Variants in MGST2 observed in about 807,000 individuals in gnomAD.
MGST2 encodes glutathione peroxidase MGST2.
MGST2 carries 9 observed loss-of-function variants against 16.6 expected under a neutral mutation model. The observed-to-expected ratio is 0.54, with a 90% CI of 0.33 to 0.95. The LOEUF (loss-of-function observed/expected upper bound fraction) is 0.95. MGST2 is among the 40% of genes least tolerant of loss of function. MGST2 has a pLI of 0.03. For synonymous variants in MGST2, 79 were observed against 68.0 expected (o/e 1.16, Z -0.79); for missense variants, 159 against 175.1 (o/e 0.91, Z 0.52).
rs377263471 is a variant in MGST2, at chr4:139,665,974, C to T, written c.-46C>T. On this transcript the variant is annotated 5_prime_UTR_variant, in exon 1 of 5. Coordinates refer to ENST00000265498, the MANE Select transcript of MGST2 (RefSeq NM_002413.5). The stretch of plus-strand genomic sequence containing the variant: ...AAGGTCAGCATTCAAAGTCAAGAAG[C>T]GCCATTTATCTTCCCGTGCGCTCTA... The T allele has an allele frequency of 1.1e-5, 18 of 1,598,862 alleles. No individual in the cohort carries two copies. The highest frequency in any genetic ancestry group is 1.5e-5 in the Non-Finnish European group (18 of 1,166,496).
chr4:139,678,730 C>A (rs1731089315), intron 2 of MGST2, 88 bp downstream of exon 2: 5 of 1,018,688 alleles, frequency 4.9e-6, no homozygotes, highest in Non-Finnish European at 7.7e-6. Flanking sequence ...TGGAGAAGAC[C>A]CTAAGTTCAT....
intron 1 of MGST2, among the ~76,000 whole-genome samples, chr4:139,672,153 C>T (rs1045817859): frequency 3.3e-5 from 5 of 152,216 alleles, no homozygotes; most frequent in African/African-American, 9.6e-5. Context: ...AACAGATGCC[C>T]ATTGGGTGCA....
downstream of MGST2, among the ~76,000 whole-genome samples, chr4:139,741,150 G>A (rs148527021): frequency 6.8e-4 from 104 of 152,282 alleles, no homozygotes; most frequent in African/African-American, 2.5e-3. Flanking sequence ...AGGACTTAGA[G>A]CAGGGAAAAA....
intron 5 of MGST2, among the ~76,000 whole-genome samples, chr4:139,738,735 A>C (rs557998312): frequency 2.2e-4 from 33 of 151,066 alleles, no homozygotes; most frequent in African/African-American, 7.7e-4. Flanking sequence ...AATGCAGAAA[A>C]GTATAGATAG....
At chr4:139,742,205 G>A (rs1017549559), downstream of MGST2, among the ~76,000 whole-genome samples, 7 of 148,884 alleles carry the variant, frequency 4.7e-5, no homozygotes, top group Non-Finnish European at 1.0e-4. Flanking sequence ...CTGAAGTGCA[G>A]TGGCACAATC....
At chr4:139,697,636 G>A (rs1727002970) in intron 3 of MGST2, among the ~76,000 whole-genome samples, 1 of 152,028 alleles carries the variant, frequency 6.6e-6, no homozygotes, top group Non-Finnish European at 1.5e-5. Context: ...ATAGTTTAAT[G>A]TATTTTAATA....
chr4:139,729,611 C>G (rs1728620877), intron 5 of MGST2, among the ~76,000 whole-genome samples: 1 of 152,190 alleles, frequency 6.6e-6, no homozygotes, highest in African/African-American at 2.4e-5. Flanking sequence ...TGTGCAGACC[C>G]TCACAGAAGC....
intron 2 of MGST2, among the ~76,000 whole-genome samples, chr4:139,684,682 T>G (rs756130838): frequency 6.6e-6 from 1 of 152,146 alleles, no homozygotes; most frequent in Non-Finnish European, 1.5e-5. Flanking sequence ...TTAAACCTCC[T>G]TCAGGGGTTG....
chr4:139,684,781 C>G (rs1731467461), intron 2 of MGST2, among the ~76,000 whole-genome samples: 1 of 152,192 alleles, frequency 6.6e-6, no homozygotes, highest in Non-Finnish European at 1.5e-5. Context: ...GTGCAGTGTG[C>G]AGCATGCAGA....
chr4:139,716,573 C>CATT (rs1226737954), intron 5 of MGST2, among the ~76,000 whole-genome samples: 1 of 151,934 alleles, frequency 6.6e-6, no homozygotes, highest in Non-Finnish European at 1.5e-5. Flanking sequence ...AAAGTATCAT[C>CATT]AGTTGTGCAG....
At chr4:139,730,048 T>C (rs1261165467) in intron 5 of MGST2, among the ~76,000 whole-genome samples, 2 of 152,236 alleles carry the variant, frequency 1.3e-5, no homozygotes, top group Non-Finnish European at 2.9e-5. Context: ...TATTTTTTTC[T>C]TCAAGCTAGA....
At position 139,715,160 on chromosome 4, in the gene MGST2, T is replaced by C. The variant is rs142341003; in HGVS notation, c.*48+10964T>C. On this transcript the variant is annotated intron_variant, in intron 5 of 5. Coordinates refer to the MGST2 transcript ENST00000616265. The surrounding 1 kb of genome is among the most constrained non-coding windows in gnomAD (Gnocchi z 4.4). ...TTAAGGGGGAGCCTTTAACCACCTC[T>C]ATCTTAGGAGAGACTCTAACTCCAC... Among the ~76,000 whole-genome samples, 1 of 152,122 alleles carries C rather than the reference T, an allele frequency of 6.6e-6. No individual in the cohort carries two copies. Among genetic ancestry groups the C allele is most frequent in the Admixed American group, 6.5e-5 (1 of 15,272 alleles).
chr4:139,734,726 T>C (rs781283082), intron 5 of MGST2, among the ~76,000 whole-genome samples: 3 of 152,248 alleles, frequency 2.0e-5, no homozygotes, highest in Non-Finnish European at 4.4e-5. Flanking sequence ...TATTTATAAA[T>C]CTGTGCGTAG....
intron 3 of MGST2, among the ~76,000 whole-genome samples, 181 bp downstream of exon 3, chr4:139,695,448 CCT>C (rs975856596): frequency 6.6e-6 from 1 of 152,112 alleles, no homozygotes; most frequent in African/African-American, 2.4e-5. Flanking sequence ...ATGGTGAAAC[CCT>C]GTCTCTACTA....
intron 1 of MGST2, among the ~76,000 whole-genome samples, chr4:139,666,699 C>G (rs1004484562): frequency 1.3e-5 from 2 of 152,158 alleles, no homozygotes; most frequent in African/African-American, 4.8e-5. Flanking sequence ...CACATTTGCT[C>G]AATTCATATT....
intron 5 of MGST2, among the ~76,000 whole-genome samples, chr4:139,734,794 G>A (rs1411090462): frequency 6.6e-6 from 1 of 152,232 alleles, no homozygotes; most frequent in East Asian, 1.9e-4. Context: ...GGGTGAGAGG[G>A]GCCAGCCTTG....
At chr4:139,680,661 A>G (rs534368555) in intron 2 of MGST2, among the ~76,000 whole-genome samples, 1 of 152,272 alleles carries the variant, frequency 6.6e-6, no homozygotes, top group African/African-American at 2.4e-5. Flanking sequence ...CTTCCTGAGA[A>G]AGGGTGAATG....
the MGST2 span, among the ~76,000 whole-genome samples, chr4:139,746,901 G>T: frequency 6.6e-6 from 1 of 152,168 alleles, no homozygotes; most frequent in African/African-American, 2.4e-5. Flanking sequence ...GTGGGAGGGG[G>T]TTGCTGGCGT....
In MGST2 at chr4:139,704,078, G is replaced by A. The variant is rs1251476709; in HGVS notation, c.374G>A (p.Gly125Glu). Residue 125 changes from glycine to glutamate, a missense_variant, in exon 5 of 5, where the codon GGA (glycine) becomes GAA (glutamate). Coordinates refer to ENST00000265498, the MANE Select transcript of MGST2 (RefSeq NM_002413.5). Reference sequence around the variant, plus strand: ...TTGTTGACCCTCCTAGGTGCCCTGGGAATTGCAAACAGCTTTCTGGATGAA... The same window carrying A: ...TTGTTGACCCTCCTAGGTGCCCTGGAAATTGCAAACAGCTTTCTGGATGAA... ...LALLTLLGALGIANSFLDEYL... is the reference protein window; with the variant it reads ...LALLTLLGALEIANSFLDEYL... 1.2e-6 allele frequency: 2 copies of A among 1,613,936 alleles called. No individual in the cohort carries two copies. Among genetic ancestry groups the A allele is most frequent in the Non-Finnish European group, 1.7e-6 (2 of 1,180,024 alleles).
Sources: allele counts gnomAD v4.1 joint callset (sites outside exome capture counted in the v4.1 genomes callset), GRCh38; gene constraint gnomAD v4.1.1; non-coding constraint Gnocchi (gnomAD v3.1); transcripts MANE v1.5; gene names NCBI Gene and HGNC (gene_info 2026-07-23, HGNC 2026-07-21).